Variants in GRK3 observed in about 807,000 individuals in gnomAD.
GRK3 encodes the protein adrenergic, beta, receptor kinase 2.
A neutral mutation model predicts 95.7 loss-of-function variants in GRK3; 54 were observed. That is an observed-to-expected ratio of 0.56 (90% CI 0.45 to 0.71). The LOEUF (loss-of-function observed/expected upper bound fraction) is 0.71. Ranked by LOEUF, GRK3 falls within the 30% of genes least tolerant of loss-of-function variation. The pLI is 0.00. For synonymous variants in GRK3, 281 were observed against 290.8 expected (o/e 0.97, Z 0.34); for missense variants, 649 against 851.2 (o/e 0.76, Z 2.96).
intron 13 of GRK3, among the ~76,000 whole-genome samples, chr22:25,702,136 TTG>T (rs1353043101): frequency 6.6e-6 from 1 of 152,142 alleles, no homozygotes; most frequent in Non-Finnish European, 1.5e-5. Context: ...GGCAATTAGT[TTG>T]TGTTTCACTG....
chr22:25,620,175 G>A (rs570871360), intron 2 of GRK3, among the ~76,000 whole-genome samples: 4 of 152,162 alleles, frequency 2.6e-5, no homozygotes, highest in South Asian at 2.1e-4. Context: ...CAAATGGGGC[G>A]GAAACCAGCC....
At chr22:25,647,288 C>T (rs1734998450) in intron 3 of GRK3, 6 of 1,075,414 alleles carry the variant, frequency 5.6e-6, no homozygotes, top group Middle Eastern at 2.2e-4. Flanking sequence ...GCAAAGAAAA[C>T]AAAAGTCCAG....
intron 1 of GRK3, among the ~76,000 whole-genome samples, chr22:25,587,640 A>G (rs1415499375): frequency 6.6e-6 from 1 of 152,000 alleles, no homozygotes; most frequent in Non-Finnish European, 1.5e-5. Flanking sequence ...GTTTGGCTGT[A>G]TCCCCACCCA....
At chr22:25,611,382 T>C (rs1035041423) in intron 2 of GRK3, among the ~76,000 whole-genome samples, 1 of 152,208 alleles carries the variant, frequency 6.6e-6, no homozygotes, top group Non-Finnish European at 1.5e-5. Flanking sequence ...GTGTTTAACT[T>C]TTTAAGAAAT....
intron 2 of GRK3, among the ~76,000 whole-genome samples, chr22:25,605,935 A>G (rs537247231): frequency 6.6e-6 from 1 of 152,264 alleles, no homozygotes; most frequent in East Asian, 1.9e-4. Flanking sequence ...CTCTCATTCC[A>G]GTTTCTGAAA....
chr22:25,693,207 G>A (rs1036012107), intron 12 of GRK3, among the ~76,000 whole-genome samples: 5 of 152,162 alleles, frequency 3.3e-5, no homozygotes, highest in East Asian at 1.9e-4. Context: ...CCAAGTGTTC[G>A]TTCAGTATTA....
intron 1 of GRK3, among the ~76,000 whole-genome samples, chr22:25,588,800 G>A (rs1029720063): frequency 6.7e-6 from 1 of 148,542 alleles, no homozygotes; most frequent in African/African-American, 2.5e-5. Context: ...TTTGAGACAA[G>A]GTTTGTCGCC....
In GRK3 at chr22:25,708,787, G is replaced by A. The variant is rs539075640; in HGVS notation, c.1329-1111G>A. ...AGCAAATCTCCTGCCTCAGCCTCCC[G>A]AGTAGCTGAGACTACAGGCGCCTGC... On this transcript the variant is annotated intron_variant, in intron 15 of 20. Transcript: ENST00000324198. 6.0e-5 allele frequency among the ~76,000 whole-genome samples: 9 copies of A among 151,258 alleles called. No individual in the cohort carries two copies. In the South Asian group the frequency reaches 1.7e-3, roughly 28 times the overall value.
At position 25,718,187 on chromosome 22, in the gene GRK3, CT is replaced by C; in HGVS notation, c.1655-57del. On this transcript the variant is annotated intron_variant, in intron 18 of 20. Coordinates refer to ENST00000324198, the MANE Select transcript of GRK3 (RefSeq NM_005160.4). ...TCTGTTCTTTTTTCAGAGAATAATG[CT>C]GCTAAGACATTTTGTTTCAGAGCCT... The C allele has an allele frequency of 3.9e-6, 6 of 1,550,176 alleles. No individual in the cohort carries two copies. In the South Asian group the frequency reaches 7.0e-5, roughly 18 times the overall value.
chr22:25,587,278 T>C (rs2146324414), intron 1 of GRK3, among the ~76,000 whole-genome samples: 1 of 152,238 alleles, frequency 6.6e-6, no homozygotes, highest in Non-Finnish European at 1.5e-5. Flanking sequence ...GCTGCAACCC[T>C]CCCTGCATGA....
chr22:25,637,384 G>A (rs2084710144), intron 2 of GRK3, among the ~76,000 whole-genome samples: 1 of 152,250 alleles, frequency 6.6e-6, no homozygotes, highest in South Asian at 2.1e-4. Flanking sequence ...TGTTTCTCTG[G>A]AGAACCCTGA....
intron 10 of GRK3, among the ~76,000 whole-genome samples, chr22:25,686,496 G>A (rs1242606963): frequency 6.6e-6 from 1 of 152,160 alleles, no homozygotes; most frequent in Non-Finnish European, 1.5e-5. Flanking sequence ...TTGATGTGGT[G>A]GTGGTTTTAC....
At chr22:25,702,061 G>T (rs2085263176) in intron 13 of GRK3, among the ~76,000 whole-genome samples, 2 of 151,124 alleles carry the variant, frequency 1.3e-5, no homozygotes, top group African/African-American at 4.9e-5. Flanking sequence ...ACAAATGCTT[G>T]CTGGGTGCTA....
chr22:25,675,458 A>T (rs1233657379), intron 8 of GRK3, among the ~76,000 whole-genome samples: 1 of 148,072 alleles, frequency 6.8e-6, no homozygotes, highest in East Asian at 2.0e-4. Flanking sequence ...GTGGGGGAAC[A>T]TTTTTTTTTT....
chr22:25,594,847 C>T (rs1249068799), intron 1 of GRK3, among the ~76,000 whole-genome samples: 1 of 151,770 alleles, frequency 6.6e-6, no homozygotes, highest in African/African-American at 2.4e-5. Flanking sequence ...CCACTGCACT[C>T]CAGCCTGGGC....
chr22:25,632,421 A>G (rs1017947377), intron 2 of GRK3, among the ~76,000 whole-genome samples: 1 of 152,180 alleles, frequency 6.6e-6, no homozygotes, highest in Non-Finnish European at 1.5e-5. Context: ...TCTTTCATAT[A>G]TTTTGGATAC....
rs1335831340 is a variant in GRK3 at position 25,718,287 on chromosome 22, T to G, written c.1697T>G (p.Leu566Arg). 6.2e-7 allele frequency: 1 copy of G among 1,614,164 alleles called. No individual in the cohort carries two copies. Among genetic ancestry groups the G allele is most frequent in the Middle Eastern group, 1.7e-4 (1 of 6,058 alleles). Residue 566 changes from leucine to arginine, a missense_variant, in exon 19 of 21, where the codon CTG becomes CGG. Around this residue, in one of 3 missense-constraint regions of GRK3, gnomAD observed 382 missense variants for 493.8 expected, o/e 0.77. Transcript: ENST00000324198. The stretch of plus-strand genomic sequence containing the variant: ...GACTGTATTATGCACGGGTACATGC[T>G]GAAACTGGGAAACCCATTTCTGACT... The part of the protein sequence containing the change: ...GKDCIMHGYM[L>R]KLGNPFLTQW...
At chr22:25,619,650 G>GTTTTTTTTTTTTT (rs536273282) in intron 2 of GRK3, among the ~76,000 whole-genome samples, 1 of 107,924 alleles carries the variant, frequency 9.3e-6, no homozygotes, top group Non-Finnish European at 1.8e-5. Flanking sequence ...TACCTGGCTA[G>GTTTTTTTTTTTTT]TTTTTTTTTT....
chr22:25,575,306 G>A (rs1260837654), intron 1 of GRK3, among the ~76,000 whole-genome samples: 1 of 152,226 alleles, frequency 6.6e-6, no homozygotes, highest in Non-Finnish European at 1.5e-5. Flanking sequence ...CTATGGTTAT[G>A]ACTAGCTGGG....
Sources: gnomAD v4.1 joint callset for allele counts (sites outside exome capture counted in the v4.1 genomes callset) on GRCh38, gnomAD v4.1.1 for gene constraint, gnomAD v4.1.1 regional missense constraint, MANE v1.5 for transcripts, NCBI Gene and HGNC (gene_info 2026-07-23, HGNC 2026-07-21) for gene names.